S100A8: variants seen among roughly 807,000 people sequenced by gnomAD.
S100A8 encodes the protein protein S100-A8.
S100A8 carries 1 observed loss-of-function variant against 4.2 expected under a neutral mutation model. The ratio of observed to expected loss-of-function variants is 0.24; its 90% confidence interval spans 0.08 to 1.12. The LOEUF (loss-of-function observed/expected upper bound fraction) is 1.12, where lower values mean the gene tolerates loss of function less well. Among genes scored for constraint, S100A8 ranks in the 50% most tolerant of loss-of-function variants. S100A8 has a pLI of 0.53. For synonymous variants in S100A8, 41 were observed against 44.7 expected (o/e 0.92, Z 0.33); for missense variants, 96 against 111.8 (o/e 0.86, Z 0.64).
Position 153,390,259 on chromosome 1 carries a change from A to G in S100A8, c.142-16T>C. ...CACCCTTTTTCTGTCAAGATTGAGGAGGAAGAAGCCAGAGTTTAAAGATCT... is the reference window on the plus strand; with the variant it reads ...CACCCTTTTTCTGTCAAGATTGAGGGGGAAGAAGCCAGAGTTTAAAGATCT... On this transcript the variant is annotated splice_polypyrimidine_tract_variant and intron_variant, in intron 2 of 2. Coordinates refer to ENST00000368733, the MANE Select transcript of S100A8 (RefSeq NM_002964.5). 6.2e-7 allele frequency: 1 copy of G among 1,606,416 alleles called. No homozygotes were observed. Among genetic ancestry groups the G allele is most frequent in the Non-Finnish European group, 8.5e-7 (1 of 1,175,092 alleles).
At chr1:153,414,977 C>G in the S100A8 span, among the ~76,000 whole-genome samples, 8 of 152,310 alleles carry the variant, frequency 5.3e-5, no homozygotes, top group South Asian at 8.3e-4. Flanking sequence ...CTCTCTACCT[C>G]CATCTGTATG....
intron 1 of S100A8, chr1:153,390,826 A>C (rs1370316361): frequency 2.4e-5 from 12 of 508,296 alleles, no homozygotes; most frequent in Non-Finnish European, 3.8e-5. Context: ...TGCTCAAGAA[A>C]AGTCCAGCCT....
At chr1:153,404,905 G>A in the S100A8 span, among the ~76,000 whole-genome samples, 1,025 of 152,228 alleles carry the variant, frequency 6.7e-3, 13 homozygotes, top group African/African-American at 0.023. Flanking sequence ...CAACCAGGGC[G>A]AGGTGGGTGC....
upstream of S100A8, among the ~76,000 whole-genome samples, chr1:153,394,298 C>T (rs1443557677): frequency 1.3e-5 from 2 of 152,108 alleles, no homozygotes; most frequent in South Asian, 2.1e-4. Flanking sequence ...GCTGGGTGCC[C>T]CTGCTTCGTA....
the S100A8 span, among the ~76,000 whole-genome samples, chr1:153,403,147 A>G: frequency 8.5e-5 from 13 of 152,252 alleles, no homozygotes; most frequent in Admixed American, 2.0e-4. Flanking sequence ...TCAGTAGCAT[A>G]TGCAAAGATA....
At chr1:153,410,420 A>G in the S100A8 span, among the ~76,000 whole-genome samples, 1 of 152,220 alleles carries the variant, frequency 6.6e-6, no homozygotes, top group Admixed American at 6.5e-5. Context: ...CCCTCCCAAG[A>G]CTAAACCCAG....
At chr1:153,421,805 T>C in the S100A8 span, 1 of 152,234 alleles carries the variant, frequency 6.6e-6, no homozygotes. Context: ...ATTTTTCCAG[T>C]TCTTATTTCA....
chr1:153,390,763 G>A (rs948514648), intron 1 of S100A8: 3 of 653,852 alleles, frequency 4.6e-6, no homozygotes, highest in Non-Finnish European at 7.6e-6. Flanking sequence ...CATTCACACA[G>A]AGACATGTGC....
At chr1:153,416,927 G>A in the S100A8 span, among the ~76,000 whole-genome samples, 2 of 152,232 alleles carry the variant, frequency 1.3e-5, no homozygotes, top group South Asian at 4.1e-4. Context: ...CCCCCACAGA[G>A]GGAGGAGGGA....
the S100A8 span, chr1:153,422,436 G>T: frequency 1.2e-6 from 1 of 851,666 alleles, no homozygotes; most frequent in Non-Finnish European, 1.4e-6. Flanking sequence ...GAATTTACTT[G>T]ATTTGGAATA....
At chr1:153,392,877 C>T (rs539670199), upstream of S100A8, among the ~76,000 whole-genome samples, 1 of 152,306 alleles carries the variant, frequency 6.6e-6, no homozygotes, top group South Asian at 2.1e-4. Flanking sequence ...CCAGCACACA[C>T]AATAACAGCA....
rs149573883 is a variant in S100A8 at position 153,390,545 on chromosome 1, G to A, written c.-10C>T. On this transcript the variant is annotated 5_prime_UTR_variant, in exon 2 of 3. Transcript: ENST00000368733. ...CCAGCTCGGTCAACATGATGCCCAC[G>A]GACTTGCCCCACCTGAAAAACAGAA... 7,120 of 1,614,016 alleles carry A rather than the reference G, an allele frequency of 4.4e-3. 17 individuals are homozygous for A. The highest frequency in any genetic ancestry group is 5.1e-3 in the Non-Finnish European group (6,012 of 1,179,952).
the S100A8 span, chr1:153,419,160 C>T: frequency 6.2e-7 from 1 of 1,614,056 alleles, no homozygotes; most frequent in Non-Finnish European, 8.5e-7. Flanking sequence ...AAAGGGCATA[C>T]ATTACCTCGC....
the S100A8 span, among the ~76,000 whole-genome samples, chr1:153,396,978 G>A: frequency 5.3e-5 from 8 of 152,350 alleles, no homozygotes; most frequent in African/African-American, 1.7e-4. Flanking sequence ...CCCCATAACC[G>A]AGCCTGGAGC....
rs1310944865 is a variant in S100A8 at position 153,390,507 on chromosome 1, T to C, written c.29A>G (p.Asn10Ser). 1.2e-6 allele frequency: 2 copies of C among 1,613,800 alleles called. No individual in the cohort carries two copies. Among genetic ancestry groups the C allele is most frequent in the Admixed American group, 1.7e-5 (1 of 59,972 alleles). MLTELEKAL[N>S]SIIDVYHKYS... is the part of the protein sequence containing the mutation. ...CTTGTGGTAGACGTCGATGATAGAG[T>C]TCAAGGCTTTCTCCAGCTCGGTCAA... Residue 10 changes from asparagine (N) to serine (S), a missense_variant, in exon 2 of 3, where the codon AAC becomes AGC. Coordinates refer to ENST00000368733, the MANE Select transcript of S100A8 (RefSeq NM_002964.5).
At chr1:153,392,716 C>G (rs1662130461), upstream of S100A8, among the ~76,000 whole-genome samples, 1 of 152,174 alleles carries the variant, frequency 6.6e-6, no homozygotes, top group Admixed American at 6.5e-5. Flanking sequence ...AGCTGGGGAT[C>G]CACCGTGCCC....
the S100A8 span, among the ~76,000 whole-genome samples, chr1:153,413,398 G>A: frequency 6.6e-6 from 1 of 152,070 alleles, no homozygotes; most frequent in Admixed American, 6.6e-5. Context: ...TCATCCACGG[G>A]GCCCTTATGT....
At chr1:153,398,187 A>C in the S100A8 span, among the ~76,000 whole-genome samples, 1 of 152,128 alleles carries the variant, frequency 6.6e-6, no homozygotes, top group Non-Finnish European at 1.5e-5. Flanking sequence ...GATAGACAGC[A>C]GCACCCCACA....
the S100A8 span, among the ~76,000 whole-genome samples, chr1:153,399,612 G>C: frequency 6.6e-6 from 1 of 152,122 alleles, no homozygotes; most frequent in Non-Finnish European, 1.5e-5. Context: ...TAGGCAATAT[G>C]CATCAGATAC....
Sources: gnomAD v4.1 joint callset for allele counts (sites outside exome capture counted in the v4.1 genomes callset) on GRCh38, gnomAD v4.1.1 for gene constraint, MANE v1.5 for transcripts, NCBI Gene and HGNC (gene_info 2026-07-23, HGNC 2026-07-21) for gene names.